The following ITPRID1 variants were observed in gnomAD, a reference collection of about 807,000 sequenced individuals.
The protein encoded by ITPRID1 is ITPR interacting domain containing 1, also known as protein ITPRID1.
Under a neutral mutation model 95.4 loss-of-function variants are expected in ITPRID1, and 96 were observed. That is an observed-to-expected ratio of 1.01 (90% confidence interval 0.85 to 1.19). The LOEUF is 1.19. Among genes scored for constraint, ITPRID1 ranks in the 50% most tolerant of loss-of-function variants. The pLI is 0.00. For missense variants in ITPRID1, 1,339 were observed against 1,252.9 expected, an observed-to-expected ratio of 1.07 and a Z score of -1.04; for synonymous variants, 510 against 453.6, an observed-to-expected ratio of 1.12 and a Z score of -1.58.
At chr7:31,590,710 A>G (rs2128154132) in intron 10 of ITPRID1, among the ~76,000 whole-genome samples, 1 of 152,290 alleles carries the variant, frequency 6.6e-6, no homozygotes, top group South Asian at 2.1e-4. Context: ...GATTGAGGAC[A>G]CTAAATTTCA....
intron 1 of ITPRID1, among the ~76,000 whole-genome samples, chr7:31,542,355 A>G (rs964172634): frequency 6.6e-6 from 1 of 152,132 alleles, no homozygotes; most frequent in African/African-American, 2.4e-5. Flanking sequence ...AAATTGTACA[A>G]CATTTCTTGC....
intron 1 of ITPRID1, among the ~76,000 whole-genome samples, chr7:31,544,532 A>T (rs1784034546): frequency 1.3e-5 from 2 of 152,240 alleles, no homozygotes; most frequent in African/African-American, 4.8e-5. Context: ...AGAACCAAGG[A>T]TTCCTCTTCC....
At chr7:31,563,224 T>C (rs1784683634) in intron 5 of ITPRID1, among the ~76,000 whole-genome samples, 1 of 152,074 alleles carries the variant, frequency 6.6e-6, no homozygotes, top group Admixed American at 6.5e-5. Flanking sequence ...CTGGAAGCAA[T>C]AGGGGTTTGA....
intron 1 of ITPRID1, among the ~76,000 whole-genome samples, chr7:31,532,005 G>C (rs1783614106): frequency 6.6e-6 from 1 of 152,142 alleles, no homozygotes; most frequent in Non-Finnish European, 1.5e-5. Flanking sequence ...AAAAATGGAT[G>C]TCAGGGCAGT....
At chr7:31,529,946 C>A in intron 1 of ITPRID1, 1 of 693,514 alleles carries the variant, frequency 1.4e-6, no homozygotes, top group Non-Finnish European at 2.4e-6. Flanking sequence ...TGTTCTGAAA[C>A]TTCTTTACCT....
chr7:31,606,424 A>G (rs2109395), intron 10 of ITPRID1, among the ~76,000 whole-genome samples: 73,518 of 151,354 alleles, frequency 0.49, 18,570 homozygotes, highest in African/African-American at 0.63. Context: ...CCTTTGCTAA[A>G]TATCTTCATA....
chr7:31,600,051 G>A (rs954137925), intron 10 of ITPRID1, among the ~76,000 whole-genome samples: 6 of 152,044 alleles, frequency 3.9e-5, no homozygotes, highest in African/African-American at 1.4e-4. Context: ...ATTTCACAAA[G>A]TATTTTTAAC....
Position 31,643,387 on chromosome 7 carries a change from G to C in ITPRID1, c.2017G>C (p.Asp673His). 3 of 1,613,964 alleles carry C rather than the reference G, an allele frequency of 1.9e-6. No homozygotes were observed. Among genetic ancestry groups the C allele is most frequent in the South Asian group, 2.2e-5 (2 of 91,076 alleles). The change falls in exon 12 of 15, where the codon GAT becomes CAT. Residue 673 changes from aspartate to histidine, a missense_variant. Asp to His is a moderately conservative substitution (Grantham distance 81). Transcript: ENST00000615280. ...LIPHLHKLPG[D>H]PAQVKSRSGT... ...TCCCCACCTCCATAAACTGCCTGGAGATCCTGCCCAGGTGAAGTCAAGGTC... is the reference window on the plus strand; with the variant it reads ...TCCCCACCTCCATAAACTGCCTGGACATCCTGCCCAGGTGAAGTCAAGGTC...
At chr7:31,576,321 A>C (rs987552623) in intron 8 of ITPRID1, among the ~76,000 whole-genome samples, 13 of 152,222 alleles carry the variant, frequency 8.5e-5, no homozygotes, top group Admixed American at 4.6e-4. Flanking sequence ...CAATTAGTCC[A>C]TTGTTCAATC....
intron 1 of ITPRID1, among the ~76,000 whole-genome samples, chr7:31,547,066 G>A (rs1784121311): frequency 6.7e-6 from 1 of 150,248 alleles, no homozygotes; most frequent in East Asian, 1.9e-4. Context: ...GACATCAAAT[G>A]CTGCCAAAAA....
intron 1 of ITPRID1, among the ~76,000 whole-genome samples, chr7:31,516,021 A>G (rs556325929): frequency 1.8e-4 from 27 of 152,342 alleles, no homozygotes; most frequent in African/African-American, 6.5e-4. Flanking sequence ...TAGGTTATTA[A>G]ACATTGACCT....
intron 9 of ITPRID1, among the ~76,000 whole-genome samples, chr7:31,579,838 A>G (rs1383697515): frequency 1.3e-5 from 2 of 152,212 alleles, no homozygotes; most frequent in Non-Finnish European, 2.9e-5. Flanking sequence ...GAATTTAAGT[A>G]GTAGCATTAA....
intron 10 of ITPRID1, among the ~76,000 whole-genome samples, chr7:31,608,607 C>A (rs1786728111): frequency 6.6e-6 from 1 of 151,476 alleles, no homozygotes; most frequent in Non-Finnish European, 1.5e-5. Flanking sequence ...ATATTTTATT[C>A]TTTTTAATGT....
intron 10 of ITPRID1, among the ~76,000 whole-genome samples, chr7:31,632,315 G>A (rs137860739): frequency 1.2e-4 from 19 of 152,228 alleles, no homozygotes; most frequent in African/African-American, 4.6e-4. Context: ...AGGCGTGGTG[G>A]CACGTGCCTG....
At chr7:31,618,948 G>C (rs913110491) in intron 10 of ITPRID1, among the ~76,000 whole-genome samples, 1 of 152,342 alleles carries the variant, frequency 6.6e-6, no homozygotes, top group Admixed American at 6.5e-5. Flanking sequence ...GAGAGAGTAG[G>C]TGACTCAAAG....
At chr7:31,656,521 G>A, downstream of ITPRID1, 4 of 894,820 alleles carry the variant, frequency 4.5e-6, no homozygotes, top group South Asian at 1.1e-4. Flanking sequence ...TCTTCCTTCT[G>A]TTGAAAAGAA....
chr7:31,555,218 C>A (rs1583492006), intron 5 of ITPRID1: 2 of 215,774 alleles, frequency 9.3e-6, no homozygotes, highest in Non-Finnish European at 1.8e-5. Flanking sequence ...GTTTAATTTT[C>A]CCCATCCTGT....
intron 1 of ITPRID1, among the ~76,000 whole-genome samples, chr7:31,530,283 A>C (rs2128129892): frequency 6.6e-6 from 1 of 152,310 alleles, no homozygotes; most frequent in Middle Eastern, 3.4e-3. Context: ...AAGGAGGCTT[A>C]ATTCATTAAG....
chr7:31,578,887 C>T (rs773440502), intron 9 of ITPRID1, among the ~76,000 whole-genome samples: 3 of 152,148 alleles, frequency 2.0e-5, no homozygotes, highest in Non-Finnish European at 2.9e-5. Context: ...TGTGTCAATG[C>T]TGTCTCCCCA....
Sources: gnomAD v4.1 joint callset for allele counts (sites outside exome capture counted in the v4.1 genomes callset) on GRCh38, gnomAD v4.1.1 for gene constraint, MANE v1.5 for transcripts, NCBI Gene and HGNC (gene_info 2026-07-23, HGNC 2026-07-21) for gene names.